The following B3GALT1 variants were observed in gnomAD, a reference collection of about 807,000 sequenced individuals.
The protein encoded by B3GALT1 is beta-1,3-galactosyltransferase 1.
Under a neutral mutation model 23.2 loss-of-function variants are expected in B3GALT1, and 10 were observed. The observed-to-expected ratio is 0.43, with a 90% CI of 0.27 to 0.73. The LOEUF (loss-of-function observed/expected upper bound fraction) is 0.73. Ranked by LOEUF, B3GALT1 falls within the 30% of genes least tolerant of loss-of-function variation. B3GALT1 has a pLI of 0.21. For missense variants in B3GALT1, 299 were observed against 405.4 expected (o/e 0.74, Z 2.25); for synonymous variants, 156 against 141.5 (o/e 1.10, Z -0.73).
At chr2:167,751,255 G>A (rs1047628844) in intron 3 of B3GALT1, among the ~76,000 whole-genome samples, 1 of 152,144 alleles carries the variant, frequency 6.6e-6, no homozygotes, top group African/African-American at 2.4e-5. Flanking sequence ...AAAGTGTTGT[G>A]GCTCCTTTGG....
chr2:167,366,601 AT>A (rs1697591414), intron 1 of B3GALT1, among the ~76,000 whole-genome samples: 1 of 152,194 alleles, frequency 6.6e-6, no homozygotes. Context: ...GTTGTCTGTT[AT>A]CCCAAAAACG....
intron 1 of B3GALT1, among the ~76,000 whole-genome samples, chr2:167,414,033 T>G (rs1351138957): frequency 6.6e-6 from 1 of 152,122 alleles, no homozygotes; most frequent in African/African-American, 2.4e-5. Flanking sequence ...GGTTCATGGC[T>G]AAGGCCCCAT....
chr2:167,373,318 C>T (rs1697713353), intron 1 of B3GALT1, among the ~76,000 whole-genome samples: 1 of 151,730 alleles, frequency 6.6e-6, no homozygotes, highest in South Asian at 2.1e-4. Context: ...ATAGACAGGA[C>T]ACATATAACA....
intron 1 of B3GALT1, among the ~76,000 whole-genome samples, chr2:167,406,554 A>T (rs1698281318): frequency 6.6e-6 from 1 of 152,186 alleles, no homozygotes; most frequent in Admixed American, 6.5e-5. Context: ...TATGTACTTG[A>T]AAAAGTGAGA....
chr2:167,757,602 T>G (rs4667543), intron 3 of B3GALT1, among the ~76,000 whole-genome samples: 43,489 of 152,018 alleles, frequency 0.29, 6,451 homozygotes, highest in African/African-American at 0.34. Flanking sequence ...TAAGTTTCTG[T>G]AAGGATGTGG....
chr2:167,429,695 T>G (rs555694614), intron 1 of B3GALT1, among the ~76,000 whole-genome samples: 1 of 152,324 alleles, frequency 6.6e-6, no homozygotes, highest in South Asian at 2.1e-4. Flanking sequence ...ATTTCAGGCC[T>G]GTCACTTCCA....
chr2:167,680,048 C>A (rs1686500782), intron 3 of B3GALT1, among the ~76,000 whole-genome samples: 1 of 151,728 alleles, frequency 6.6e-6, no homozygotes, highest in Non-Finnish European at 1.5e-5. Context: ...ACTTTTTTTT[C>A]CACTACTCTT....
At chr2:167,614,991 C>A (rs1418181608) in intron 2 of B3GALT1, among the ~76,000 whole-genome samples, 2 of 151,782 alleles carry the variant, frequency 1.3e-5, no homozygotes, top group East Asian at 3.9e-4. Flanking sequence ...TAAAAGAAAA[C>A]ACAGGAGTTT....
chr2:167,671,880 C>T (rs1252987634), intron 3 of B3GALT1, among the ~76,000 whole-genome samples: 2 of 151,806 alleles, frequency 1.3e-5, no homozygotes, highest in Non-Finnish European at 2.9e-5. Flanking sequence ...TTTAGCTAGA[C>T]TATTTTTTAG....
rs143229397 is a variant in B3GALT1, at chr2:167,319,846, G to A, written c.-511+26512G>A. The stretch of plus-strand genomic sequence containing the variant: ...TTCTAAGCCTTTTGTTATGATTACC[G>A]CCATTGGATCCTCCAGTAAGCTAGT... On this transcript the variant is annotated intron_variant, in intron 1 of 4. Transcript: ENST00000392690. 4.3e-3 allele frequency among the ~76,000 whole-genome samples: 656 copies of A among 152,106 alleles called. 4 individuals are homozygous for A. Among genetic ancestry groups the A allele is most frequent in the Non-Finnish European group, 7.3e-3 (499 of 67,964 alleles).
intron 1 of B3GALT1, among the ~76,000 whole-genome samples, chr2:167,431,367 T>C (rs1374513350): frequency 6.6e-6 from 1 of 152,168 alleles, no homozygotes; most frequent in Non-Finnish European, 1.5e-5. Flanking sequence ...AATGGAGCCA[T>C]GGGAGTTTTA....
At position 167,459,498 on chromosome 2, in the gene B3GALT1, C is replaced by T. The variant is rs1699224143; in HGVS notation, c.-510-30679C>T. Among the ~76,000 whole-genome samples the T allele has an allele frequency of 2.0e-5, 3 of 152,246 alleles. No homozygotes were observed. The South Asian group carries it at 6.2e-4, about 32-fold the overall frequency. On this transcript the variant is annotated intron_variant, in intron 1 of 4. Transcript: ENST00000392690. Reference sequence around the variant, plus strand: ...AAACTAATGGTGGTTCTTTTAAATACATTAGTCTCTTCAAATATGTAGAAA... The same window carrying T: ...AAACTAATGGTGGTTCTTTTAAATATATTAGTCTCTTCAAATATGTAGAAA...
chr2:167,304,892 C>G (rs994543166), intron 1 of B3GALT1, among the ~76,000 whole-genome samples: 1 of 152,140 alleles, frequency 6.6e-6, no homozygotes, highest in Non-Finnish European at 1.5e-5. Context: ...TTTGAAAGCT[C>G]AAGATCTAAG....
At chr2:167,664,986 CT>C (rs1267702882) in intron 3 of B3GALT1, among the ~76,000 whole-genome samples, 1 of 151,374 alleles carries the variant, frequency 6.6e-6, no homozygotes, top group African/African-American at 2.4e-5. Context: ...CTGGCCAGAA[CT>C]TCCAACACTA....
intron 1 of B3GALT1, among the ~76,000 whole-genome samples, chr2:167,413,479 T>C (rs1698422417): frequency 6.6e-6 from 1 of 152,054 alleles, no homozygotes; most frequent in African/African-American, 2.4e-5. Flanking sequence ...CTCAATCCAA[T>C]TTTTAAATTC....
At chr2:167,653,858 C>T (rs2105466358) in intron 3 of B3GALT1, among the ~76,000 whole-genome samples, 1 of 152,318 alleles carries the variant, frequency 6.6e-6, no homozygotes, top group South Asian at 2.1e-4. Context: ...TTGCTCGGTT[C>T]ATCACCAGCA....
intron 2 of B3GALT1, among the ~76,000 whole-genome samples, chr2:167,521,853 T>C (rs2105361703): frequency 6.6e-6 from 1 of 151,708 alleles, no homozygotes; most frequent in East Asian, 1.9e-4. Flanking sequence ...ATCATTCATA[T>C]GTTTTTATTT....
intron 2 of B3GALT1, among the ~76,000 whole-genome samples, chr2:167,563,295 T>A (rs1264833253): frequency 2.7e-5 from 3 of 111,954 alleles, no homozygotes; most frequent in East Asian, 2.9e-4. Flanking sequence ...CACTTCCCAG[T>A]AGGGGCGGCC....
intron 2 of B3GALT1, among the ~76,000 whole-genome samples, chr2:167,579,553 G>A (rs910964541): frequency 1.3e-4 from 19 of 150,634 alleles, no homozygotes; most frequent in African/African-American, 4.2e-4. Flanking sequence ...TTTCAAGGTC[G>A]CTGACACTCA....
Sources: gnomAD v4.1 joint callset for allele counts (sites outside exome capture counted in the v4.1 genomes callset) on GRCh38, gnomAD v4.1.1 for gene constraint, MANE v1.5 for transcripts, NCBI Gene and HGNC (gene_info 2026-07-23, HGNC 2026-07-21) for gene names.